Variants in SOST observed in about 807,000 individuals in gnomAD.
SOST encodes sclerosteosis.
In SOST, 14 loss-of-function variants were observed where a neutral mutation model predicts 16.7. That is an observed-to-expected ratio of 0.84 (90% confidence interval 0.55 to 1.31). The LOEUF is 1.31. SOST is among the 50% of genes most tolerant of loss of function. The probability of loss-of-function intolerance (pLI) is 0.00; values close to 1 mark genes in which losing one functional copy is unlikely to be tolerated. For synonymous variants in SOST, 150 were observed against 140.9 expected, an observed-to-expected ratio of 1.06 and a Z score of -0.46; for missense variants, 291 against 310.7, an observed-to-expected ratio of 0.94 and a Z score of 0.48.
chr17:43,757,358 G>C lies in SOST; in HGVS notation c.220+1164C>G, dbSNP rs377054180. Among the ~76,000 whole-genome samples the C allele has an allele frequency of 8.5e-4, 129 of 152,292 alleles. 2 individuals are homozygous for C. In the South Asian group the frequency reaches 0.025, roughly 30 times the overall value. On this transcript the variant is annotated intron_variant, in intron 1 of 1. Transcript: ENST00000301691. ...GACCTTGCCTAGAAGGGGAGCTGTG[G>C]GGGGAGGCGCCCTTGTCCTCCATTT...
chr17:43,755,792 C>T lies in SOST; in HGVS notation c.221-29G>A. 6.4e-7 allele frequency: 1 copy of T among 1,554,412 alleles called. No homozygotes were observed. The highest frequency in any genetic ancestry group is 1.2e-5 in the South Asian group (1 of 85,308). On this transcript the variant is annotated intron_variant, in intron 1 of 1. Transcript: ENST00000301691. This position sits in a 1 kb window ranked among gnomAD's most constrained non-coding sequence, Gnocchi z 4.3. ...TGGAGAGAGGCGCGCGTGAGGGTGG[C>T]CGCCCGCCTGGCCACCCCTGCCCTG...
chr17:43,757,464 G>T lies in SOST; in HGVS notation c.220+1058C>A, dbSNP rs1974143554. ...TAGTCCCAACAGGTTGTGAGGCGGG[G>T]AGGGCTGGGGTCCAGGAGCCTGGGC... On this transcript the variant is annotated intron_variant, in intron 1 of 1. Transcript: ENST00000301691. 5.3e-5 allele frequency among the ~76,000 whole-genome samples: 8 copies of T among 152,282 alleles called. No individual in the cohort carries two copies. In the South Asian group the frequency reaches 1.7e-3, roughly 32 times the overall value.
In SOST at chr17:43,755,814, C is replaced by G; in HGVS notation, c.221-51G>C. On this transcript the variant is annotated intron_variant, in intron 1 of 1. Coordinates refer to ENST00000301691, the MANE Select transcript of SOST (RefSeq NM_025237.3). This position sits in a 1 kb window ranked among gnomAD's most constrained non-coding sequence, Gnocchi z 4.3. ...TGGCCGCCCGCCTGGCCACCCCTGC[C>G]CTGGACCGGCCCGTCTCTCTCCACC... 6.5e-7 allele frequency: 1 copy of G among 1,530,536 alleles called. No individual in the cohort carries two copies. The highest frequency in any genetic ancestry group is 1.4e-5 in the African/African-American group (1 of 72,712). 94.8% of individuals were successfully genotyped at this position (1,530,536 alleles called of 1,614,324 possible). A position where few individuals can be genotyped will look rare whatever the true frequency, so the allele number is the denominator to read the frequency against.
At chr17:43,758,057 T>G (rs186197926) in intron 1 of SOST, among the ~76,000 whole-genome samples, 15 of 152,290 alleles carry the variant, frequency 9.8e-5, no homozygotes, top group African/African-American at 3.6e-4. Context: ...GGGGATTCCA[T>G]GATGTGGGTC....
chr17:43,757,752 C>G (rs1256031230), intron 1 of SOST, among the ~76,000 whole-genome samples: 1 of 152,162 alleles, frequency 6.6e-6, no homozygotes, highest in East Asian at 1.9e-4. Context: ...ATGCTGCTCT[C>G]CCCTCCAGGG....
chr17:43,755,856 C>T lies in SOST; in HGVS notation c.221-93G>A. The stretch of plus-strand genomic sequence containing the variant: ...CTCTCCACCCCAGCCCTGCTTTTGC[C>T]AAGCCTGTCTCCAGAGGCTTTTGCC... On this transcript the variant is annotated intron_variant, in intron 1 of 1. Transcript: ENST00000301691. This position sits in a 1 kb window ranked among gnomAD's most constrained non-coding sequence, Gnocchi z 4.3. 7.1e-7 allele frequency: 1 copy of T among 1,417,786 alleles called. No individual in the cohort carries two copies. The highest frequency in any genetic ancestry group is 2.1e-5 in the Admixed American group (1 of 46,786). 87.8% of individuals were successfully genotyped at this position (1,417,786 alleles called of 1,614,324 possible).
Position 43,754,549 on chromosome 17 carries a change from T to TGTC in SOST, c.*790_*792dup, listed in dbSNP as rs909265612. ...TCCAGGAGTTTGTCAGCCGTAAATA[T>TGTC]GTCAGCCATAAATAGACTCTTTACT... is the stretch of plus-strand genomic sequence containing the variant. On this transcript the variant is annotated 3_prime_UTR_variant, in exon 2 of 2. Coordinates refer to ENST00000301691, the MANE Select transcript of SOST (RefSeq NM_025237.3). 1.6e-4 allele frequency: 24 copies of TGTC among 152,154 alleles called. No individual in the cohort carries two copies. Among genetic ancestry groups the TGTC allele is most frequent in the African/African-American group, 5.6e-4 (23 of 41,428 alleles). The allele number at this position is 152,154 out of a possible 1,614,324, so 9.4% of individuals were successfully genotyped here.
At chr17:43,757,967 A>C (rs1276239336) in intron 1 of SOST, among the ~76,000 whole-genome samples, 1 of 152,116 alleles carries the variant, frequency 6.6e-6, no homozygotes, top group African/African-American at 2.4e-5. Context: ...AACCAGGTTC[A>C]CACCTCAGCT....
chr17:43,755,897 C>A lies in SOST; in HGVS notation c.221-134G>T. 1 of 1,040,058 alleles carries A rather than the reference C, an allele frequency of 9.6e-7. No individual in the cohort carries two copies. The highest frequency in any genetic ancestry group is 1.4e-6 in the Non-Finnish European group (1 of 728,014). 64.4% of individuals were successfully genotyped at this position (1,040,058 alleles called of 1,614,324 possible). ...GGCTTTTGCCCCTGAACATCTATTG[C>A]AGGAAGGTCCCAGATGCTCTAGAGC... On this transcript the variant is annotated intron_variant, in intron 1 of 1. Transcript: ENST00000301691. The surrounding 1 kb of genome is among the most constrained non-coding windows in gnomAD (Gnocchi z 4.3).
Position 43,755,466 on chromosome 17 carries a change from AAGCGGGTG to A in SOST, c.510_517del (p.Thr171ProfsTer56), listed in dbSNP as rs757678737. On this transcript the variant is annotated frameshift_variant, in exon 2 of 2. Transcript: ENST00000301691. LOFTEE classifies it high-confidence loss of function. This position sits in a 1 kb window ranked among gnomAD's most constrained non-coding sequence, Gnocchi z 4.3. Reference sequence around the variant, plus strand: ...GTCCTTGAGCTCCGACTGGTTGTGGAAGCGGGTGAGGCGCTTGCACTTGCACGAGGCCA... The same window carrying A: ...GTCCTTGAGCTCCGACTGGTTGTGGAAGGCGCTTGCACTTGCACGAGGCCA... The A allele has an allele frequency of 6.3e-7, 1 of 1,597,306 alleles. No individual in the cohort carries two copies. The highest frequency in any genetic ancestry group is 8.5e-7 in the Non-Finnish European group (1 of 1,178,772).
At position 43,755,466 on chromosome 17, in the gene SOST, A is replaced by G; in HGVS notation, c.518T>C (p.Phe173Ser). The G allele has an allele frequency of 6.3e-7, 1 of 1,597,306 alleles. No homozygotes were observed. The highest frequency in any genetic ancestry group is 8.5e-7 in the Non-Finnish European group (1 of 1,178,772). ...ASCKCKRLTR[F>S]HNQSELKDFG... The stretch of plus-strand genomic sequence containing the variant: ...GTCCTTGAGCTCCGACTGGTTGTGG[A>G]AGCGGGTGAGGCGCTTGCACTTGCA... Residue 173 changes from phenylalanine to serine, a missense_variant, in exon 2 of 2, where the codon TTC becomes TCC. Phe to Ser is a radical substitution (Grantham distance 155). Transcript: ENST00000301691. The surrounding 1 kb of genome is among the most constrained non-coding windows in gnomAD (Gnocchi z 4.3).
At chr17:43,756,587 C>T (rs879421143) in intron 1 of SOST, among the ~76,000 whole-genome samples, 2 of 152,186 alleles carry the variant, frequency 1.3e-5, no homozygotes, top group Non-Finnish European at 2.9e-5. Flanking sequence ...TGCGTTCGAG[C>T]ATCCATGGGA....
Position 43,755,739 on chromosome 17 carries a change from T to C in SOST, c.245A>G (p.Glu82Gly), listed in dbSNP as rs1974123745. The C allele has an allele frequency of 6.3e-7, 1 of 1,580,016 alleles. No individual in the cohort carries two copies. The stretch of plus-strand genomic sequence containing the variant: ...GGTCACGTAGCGGGTGAAGTGCAGC[T>C]CGCGGCAGCTGTACTCGGACACGTC... ...TKDVSEYSCR[E>G]LHFTRYVTDG... Residue 82 changes from glutamate to glycine, a missense_variant, in exon 2 of 2, where the codon GAG (glutamate) becomes GGG (glycine). Coordinates refer to ENST00000301691, the MANE Select transcript of SOST (RefSeq NM_025237.3). This position sits in a 1 kb window ranked among gnomAD's most constrained non-coding sequence, Gnocchi z 4.3.
intron 1 of SOST, among the ~76,000 whole-genome samples, chr17:43,757,307 C>T (rs1385409051): frequency 2.0e-5 from 3 of 152,356 alleles, no homozygotes; most frequent in East Asian, 1.9e-4. Context: ...CCTTACAGCC[C>T]TTCAGGCAGT....
chr17:43,755,723 G>A lies in SOST; in HGVS notation c.261C>T (p.Arg87=). 6.3e-7 allele frequency: 1 copy of A among 1,578,534 alleles called. No homozygotes were observed. Among genetic ancestry groups the A allele is most frequent in the Non-Finnish European group, 8.5e-7 (1 of 1,170,638 alleles). The change falls in exon 2 of 2, where the codon CGC becomes CGT. Residue 87 remains arginine, a synonymous_variant. Transcript: ENST00000301691. This position sits in a 1 kb window ranked among gnomAD's most constrained non-coding sequence, Gnocchi z 4.3. ...EYSCRELHFT[R]YVTDGPCRSA... ...TGCGGCACGGCCCATCGGTCACGTA[G>A]CGGGTGAAGTGCAGCTCGCGGCAGC...
intron 1 of SOST, among the ~76,000 whole-genome samples, chr17:43,757,106 A>G (rs1974138738): frequency 6.6e-6 from 1 of 152,118 alleles, no homozygotes; most frequent in South Asian, 2.1e-4. Context: ...TCACCTCTGC[A>G]GGGCTGGAAT....
chr17:43,757,932 C>G (rs931211901), intron 1 of SOST, among the ~76,000 whole-genome samples: 1 of 152,150 alleles, frequency 6.6e-6, no homozygotes, highest in African/African-American at 2.4e-5. Flanking sequence ...CCCCCACACA[C>G]CAGGGCTATC....
At position 43,755,228 on chromosome 17, in the gene SOST, G is replaced by A. The variant is rs1974112954; in HGVS notation, c.*114C>T. ...GGAAGGTCTCAGCCCCCTGCCCTGGGTTGCAGGCATTTACAATGAAATATA... is the reference window on the plus strand; with the variant it reads ...GGAAGGTCTCAGCCCCCTGCCCTGGATTGCAGGCATTTACAATGAAATATA... On this transcript the variant is annotated 3_prime_UTR_variant, in exon 2 of 2. Transcript: ENST00000301691. The surrounding 1 kb of genome is among the most constrained non-coding windows in gnomAD (Gnocchi z 4.3). 2.7e-6 allele frequency: 3 copies of A among 1,093,742 alleles called. No individual in the cohort carries two copies. Among genetic ancestry groups the A allele is most frequent in the South Asian group, 1.8e-5 (1 of 56,216 alleles). The allele number at this position is 1,093,742 out of a possible 1,614,324, so 67.8% of individuals were successfully genotyped here. A position where few individuals can be genotyped will look rare whatever the true frequency, so the allele number is the denominator to read the frequency against.
chr17:43,757,150 A>G (rs1974139379), intron 1 of SOST, among the ~76,000 whole-genome samples: 1 of 152,148 alleles, frequency 6.6e-6, no homozygotes, highest in Non-Finnish European at 1.5e-5. Flanking sequence ...TGCCCAGGGA[A>G]GGGGGCATTT....
Sources: allele counts gnomAD v4.1 joint callset (sites outside exome capture counted in the v4.1 genomes callset), GRCh38; gene constraint gnomAD v4.1.1; non-coding constraint Gnocchi (gnomAD v3.1); transcripts MANE v1.5; gene names NCBI Gene and HGNC (gene_info 2026-07-23, HGNC 2026-07-21).